Variants in PARD3 observed in about 807,000 individuals in gnomAD.
PARD3 encodes the protein partitioning defective 3 homolog.
Under a neutral mutation model 155.4 loss-of-function variants are expected in PARD3, and 75 were observed. That is an observed-to-expected ratio of 0.48 (90% CI 0.40 to 0.58). The LOEUF (loss-of-function observed/expected upper bound fraction) is 0.58, where lower values mean the gene tolerates loss of function less well. PARD3 is among the 20% of genes least tolerant of loss of function. The pLI, the probability that PARD3 is intolerant of heterozygous loss-of-function variation, is 0.00. For missense variants in PARD3, 1,642 were observed against 1,721.7 expected (o/e 0.95, Z 0.82); for synonymous variants, 576 against 610.5 (o/e 0.94, Z 0.83).
At chr10:34,315,246 C>T (rs992304461) in intron 20 of PARD3, among the ~76,000 whole-genome samples, 1 of 152,150 alleles carries the variant, frequency 6.6e-6, no homozygotes, top group African/African-American at 2.4e-5. Context: ...TCTTCAAGGT[C>T]CCTTAGAAAC....
chr10:34,807,348 G>A (rs905001834), intron 1 of PARD3, among the ~76,000 whole-genome samples: 7 of 152,222 alleles, frequency 4.6e-5, no homozygotes, highest in African/African-American at 1.7e-4. Flanking sequence ...GTTGTTCATA[G>A]TGGCTTATGC....
At chr10:34,800,681 C>T (rs1842765256) in intron 1 of PARD3, among the ~76,000 whole-genome samples, 1 of 152,008 alleles carries the variant, frequency 6.6e-6, no homozygotes, top group South Asian at 2.1e-4. Flanking sequence ...CCTGGATCTC[C>T]TCCTTGCTGT....
At chr10:34,200,804 G>C (rs1431038877) in intron 22 of PARD3, among the ~76,000 whole-genome samples, 2 of 152,232 alleles carry the variant, frequency 1.3e-5, no homozygotes, top group African/African-American at 4.8e-5. Flanking sequence ...GCAGACGCCA[G>C]GGCTATAAGA....
chr10:34,553,677 C>A (rs1002105543), intron 2 of PARD3, among the ~76,000 whole-genome samples: 1 of 152,164 alleles, frequency 6.6e-6, no homozygotes, highest in Non-Finnish European at 1.5e-5. Flanking sequence ...GCGTGAGATA[C>A]AAAAGCTTAC....
intron 1 of PARD3, among the ~76,000 whole-genome samples, chr10:34,721,865 G>C (rs561765568): frequency 1.3e-5 from 2 of 152,258 alleles, no homozygotes; most frequent in South Asian, 4.1e-4. Context: ...TCTAACACTA[G>C]AAAAACAATG....
chr10:34,594,225 C>T (rs571556028), intron 2 of PARD3, among the ~76,000 whole-genome samples: 1 of 152,264 alleles, frequency 6.6e-6, no homozygotes, highest in Admixed American at 6.5e-5. Flanking sequence ...CCTAAGCATG[C>T]TCTTGGAAGG....
At chr10:34,766,904 G>A (rs1387467541) in intron 1 of PARD3, among the ~76,000 whole-genome samples, 1 of 152,162 alleles carries the variant, frequency 6.6e-6, no homozygotes, top group Non-Finnish European at 1.5e-5. Flanking sequence ...GAAGAAACCA[G>A]CAACTGAGTT....
At chr10:34,168,386 TTTGA>T (rs1435583441) in intron 22 of PARD3, among the ~76,000 whole-genome samples, 1 of 152,350 alleles carries the variant, frequency 6.6e-6, no homozygotes, top group East Asian at 1.9e-4. Context: ...TTAAAGTGAC[TTTGA>T]TTATTTTATT....
chr10:34,710,612 G>A (rs1450166660), intron 1 of PARD3, among the ~76,000 whole-genome samples: 3 of 152,048 alleles, frequency 2.0e-5, no homozygotes, highest in African/African-American at 7.2e-5. Flanking sequence ...AAAATCCAGT[G>A]TTCTTGGCCA....
At chr10:34,288,189 TG>T (rs1469852460) in intron 20 of PARD3, among the ~76,000 whole-genome samples, 6 of 152,148 alleles carry the variant, frequency 3.9e-5, no homozygotes, top group African/African-American at 1.2e-4. Context: ...CCAGCCTGGG[TG>T]ACAGAGTAAG....
At chr10:34,238,898 G>A (rs1953404590) in intron 22 of PARD3, among the ~76,000 whole-genome samples, 1 of 152,154 alleles carries the variant, frequency 6.6e-6, no homozygotes, top group Non-Finnish European at 1.5e-5. Context: ...AATATACATG[G>A]TTTTAAATAT....
chr10:34,183,672 C>A (rs967616093), intron 22 of PARD3, among the ~76,000 whole-genome samples: 1 of 152,160 alleles, frequency 6.6e-6, no homozygotes, highest in Non-Finnish European at 1.5e-5. Flanking sequence ...CAGGTTTTCA[C>A]GGGGCTACGT....
intron 23 of PARD3, among the ~76,000 whole-genome samples, chr10:34,120,558 C>G (rs895975435): frequency 6.6e-6 from 1 of 152,090 alleles, no homozygotes; most frequent in African/African-American, 2.4e-5. Flanking sequence ...CAGCAGGATA[C>G]AGTATAGCTG....
chr10:34,509,031 C>A (rs565193430), intron 3 of PARD3, among the ~76,000 whole-genome samples: 3 of 152,316 alleles, frequency 2.0e-5, no homozygotes, highest in Non-Finnish European at 2.9e-5. Flanking sequence ...GTGTGACTCT[C>A]TTTCCTGTAC....
intron 1 of PARD3, among the ~76,000 whole-genome samples, chr10:34,792,154 CCCGGA>C (rs1182054719): frequency 1.3e-5 from 2 of 152,082 alleles, no homozygotes; most frequent in Non-Finnish European, 1.5e-5. Context: ...CCTAGCTCTC[CCCGGA>C]CGTGCGCCCA....
At chr10:34,596,205 G>T (rs1337989895) in intron 2 of PARD3, among the ~76,000 whole-genome samples, 2 of 151,362 alleles carry the variant, frequency 1.3e-5, no homozygotes, top group East Asian at 3.9e-4. Flanking sequence ...ACTCAAGTTT[G>T]TAAGCAATAT....
At chr10:34,232,318 T>G (rs979727001) in intron 22 of PARD3, among the ~76,000 whole-genome samples, 2 of 152,106 alleles carry the variant, frequency 1.3e-5, no homozygotes, top group African/African-American at 4.8e-5. Context: ...GACCTGGATA[T>G]GACAGACAGA....
At chr10:34,374,014 G>A (rs1441831046) in intron 11 of PARD3, among the ~76,000 whole-genome samples, 1 of 152,112 alleles carries the variant, frequency 6.6e-6, no homozygotes, top group Admixed American at 6.5e-5. Flanking sequence ...AGAGCTAGAT[G>A]AAAAGGATGT....
At chr10:34,353,248 T>C (rs1329987982) in intron 14 of PARD3, among the ~76,000 whole-genome samples, 1 of 152,168 alleles carries the variant, frequency 6.6e-6, no homozygotes. Context: ...CGGGCCATGA[T>C]GACGATAGCA....
Sources: gnomAD v4.1 joint callset for allele counts (sites outside exome capture counted in the v4.1 genomes callset) on GRCh38, gnomAD v4.1.1 for gene constraint, MANE v1.5 for transcripts, NCBI Gene and HGNC (gene_info 2026-07-23, HGNC 2026-07-21) for gene names.